PIKFYVE: variants seen among roughly 807,000 people sequenced by gnomAD.
PIKFYVE encodes 1-phosphatidylinositol 3-phosphate 5-kinase.
In PIKFYVE, 122 loss-of-function variants were observed where a neutral mutation model predicts 257.9. That is an observed-to-expected ratio of 0.47 (90% CI 0.41 to 0.55). PIKFYVE has a LOEUF of 0.55. Among genes scored for constraint, PIKFYVE ranks in the 20% least tolerant of loss-of-function variants. The pLI is 0.00. For synonymous variants in PIKFYVE, 892 were observed against 868.9 expected (o/e 1.03, Z -0.47); for missense variants, 2,160 against 2,536.6 (o/e 0.85, Z 3.19).
chr2:208,354,234 G>A, intron 40 of PIKFYVE, 75 bp downstream of exon 40: 1 of 1,492,948 alleles, frequency 6.7e-7, no homozygotes, highest in Non-Finnish European at 9.1e-7. Flanking sequence ...ATTGAACCTG[G>A]TCTAATAATA....
chr2:208,286,308 T>A (rs1351092762), intron 6 of PIKFYVE, among the ~76,000 whole-genome samples: 1 of 152,244 alleles, frequency 6.6e-6, no homozygotes, highest in Non-Finnish European at 1.5e-5. Context: ...TGTAGCCTTC[T>A]GTGAGAAGAA....
intron 35 of PIKFYVE, among the ~76,000 whole-genome samples, chr2:208,348,976 G>A (rs1372157557): frequency 6.6e-6 from 1 of 151,834 alleles, no homozygotes; most frequent in Non-Finnish European, 1.5e-5. Context: ...GAGCCTGGCC[G>A]ACATAGAGAA....
At chr2:208,323,783 C>T (rs1191140413) in intron 17 of PIKFYVE, among the ~76,000 whole-genome samples, 25 of 152,178 alleles carry the variant, frequency 1.6e-4, no homozygotes, top group Admixed American at 1.5e-3. Flanking sequence ...TGTTTCCTGA[C>T]TTTTTAATGA....
intron 17 of PIKFYVE, 22 bp downstream of exon 17, chr2:208,320,381 T>G: frequency 6.2e-7 from 1 of 1,608,908 alleles, no homozygotes; most frequent in South Asian, 1.1e-5. Flanking sequence ...CTACTGAAAA[T>G]AATAATTTAG....
chr2:208,298,505 T>C (rs559096815), intron 7 of PIKFYVE, 136 bp from the exon 8 acceptor site: 1 of 1,096,458 alleles, frequency 9.1e-7, no homozygotes, highest in East Asian at 2.6e-5. Flanking sequence ...ATATCATGCA[T>C]AACCATCATA....
At chr2:208,339,349 TA>T (rs1450094458) in intron 29 of PIKFYVE, 68 bp from the exon 30 acceptor site, 5 of 1,567,124 alleles carry the variant, frequency 3.2e-6, no homozygotes, top group Non-Finnish European at 4.4e-6. Flanking sequence ...AATGAGCATT[TA>T]AAAAATATTA....
intron 12 of PIKFYVE, among the ~76,000 whole-genome samples, chr2:208,309,974 C>G (rs1553515115): frequency 6.6e-6 from 1 of 152,174 alleles, no homozygotes; most frequent in Non-Finnish European, 1.5e-5. Flanking sequence ...AAATTGACCT[C>G]TTAGGTCATT....
intron 4 of PIKFYVE, 100 bp from the exon 5 acceptor site, chr2:208,277,437 A>C (rs1233375092): frequency 3.1e-6 from 4 of 1,292,186 alleles, no homozygotes; most frequent in Non-Finnish European, 4.4e-6. Context: ...TTTTTGAATT[A>C]GTTTGTTTTC....
intron 33 of PIKFYVE, 50 bp from the exon 34 acceptor site, chr2:208,346,000 G>C: frequency 1.5e-6 from 2 of 1,375,572 alleles, no homozygotes; most frequent in East Asian, 2.3e-5. Flanking sequence ...ACTATTTTCT[G>C]TTTGACTTGT....
In PIKFYVE at chr2:208,315,181, A is replaced by G. The variant is rs1381430866; in HGVS notation, c.1827-12A>G. ...TAACTATGCAAACTTCTTTCTTATAATATTTTTGTAGTTCAGCTAATCATA... is the reference window on the plus strand; with the variant it reads ...TAACTATGCAAACTTCTTTCTTATAGTATTTTTGTAGTTCAGCTAATCATA... On this transcript the variant is annotated splice_polypyrimidine_tract_variant and intron_variant, in intron 14 of 41. Transcript: ENST00000264380. 6.2e-7 allele frequency: 1 copy of G among 1,609,268 alleles called. No homozygotes were observed. Among genetic ancestry groups the G allele is most frequent in the Non-Finnish European group, 8.5e-7 (1 of 1,176,006 alleles).
chr2:208,267,212 A>G (rs980892033), intron 1 of PIKFYVE, among the ~76,000 whole-genome samples: 1 of 147,564 alleles, frequency 6.8e-6, no homozygotes, highest in African/African-American at 2.5e-5. Flanking sequence ...GTCGCTTGGT[A>G]TAATGTACTT....
At chr2:208,352,928 C>T in intron 39 of PIKFYVE, 146 bp downstream of exon 39, 5 of 1,015,478 alleles carry the variant, frequency 4.9e-6, no homozygotes, top group Non-Finnish European at 7.3e-6. Flanking sequence ...TTTTGACTTG[C>T]TCAGCCTTGG....
In PIKFYVE at chr2:208,300,988, G is replaced by C. The variant is rs1322952486; in HGVS notation, c.1102G>C (p.Gly368Arg). Reference protein sequence around the residue: ...LWKKICHHSSGMEFQDHRYWL... With the variant: ...LWKKICHHSSRMEFQDHRYWL... ...GAAAAAAATCTGCCATCACAGCAGT[G>C]GAATGGAGTTTCAGGATCACCGCTA... Residue 368 changes from glycine to arginine, a missense_variant, in exon 9 of 42, where the codon GGA becomes CGA. Coordinates refer to ENST00000264380, the MANE Select transcript of PIKFYVE (RefSeq NM_015040.4). The C allele has an allele frequency of 6.2e-7, 1 of 1,614,034 alleles. No homozygotes were observed. The highest frequency in any genetic ancestry group is 1.3e-5 in the African/African-American group (1 of 74,940).
intron 7 of PIKFYVE, among the ~76,000 whole-genome samples, chr2:208,298,238 A>G (rs114693230): frequency 1.5e-3 from 235 of 152,210 alleles, no homozygotes; most frequent in African/African-American, 5.5e-3. Flanking sequence ...TTCATTCTTT[A>G]TATTTGTTAT....
At chr2:208,269,422 T>G in intron 1 of PIKFYVE, 1 of 240,934 alleles carries the variant, frequency 4.2e-6, no homozygotes, top group Non-Finnish European at 8.7e-6. Flanking sequence ...CATCTCCTCC[T>G]CAGCCATCTT....
rs949812656 is a variant in PIKFYVE, at chr2:208,355,556, A to C, written c.*251A>C. On this transcript the variant is annotated 3_prime_UTR_variant, in exon 42 of 42. Coordinates refer to ENST00000264380, the MANE Select transcript of PIKFYVE (RefSeq NM_015040.4). Reference sequence around the variant, plus strand: ...AAAATTTTCTTAAGCTAAAATACAGACATGTTTCAAAGGGCTAAAGTTGGA... The same window carrying C: ...AAAATTTTCTTAAGCTAAAATACAGCCATGTTTCAAAGGGCTAAAGTTGGA... The C allele has an allele frequency of 4.1e-5, 17 of 417,370 alleles. No individual in the cohort carries two copies. Among genetic ancestry groups the C allele is most frequent in the African/African-American group, 2.4e-4 (12 of 49,482 alleles). The allele number at this position is 417,370 out of a possible 1,614,324, so 25.9% of individuals were successfully genotyped here.
chr2:208,287,753 A>G (rs1204088617), intron 6 of PIKFYVE, among the ~76,000 whole-genome samples: 1 of 151,500 alleles, frequency 6.6e-6, no homozygotes, highest in Non-Finnish European at 1.5e-5. Context: ...GGTGTGTGCC[A>G]CCATGCCCGG....
In PIKFYVE at chr2:208,314,443, A is replaced by C; in HGVS notation, c.1826+20A>C. The C allele has an allele frequency of 1.2e-6, 2 of 1,607,588 alleles. No homozygotes were observed. Among genetic ancestry groups the C allele is most frequent in the South Asian group, 2.2e-5 (2 of 90,504 alleles). ...GTTGCTGTAAGGCAATGAAATTTTT[A>C]ATTTTAATTTTTCACTTTTATTATC... On this transcript the variant is annotated intron_variant, in intron 14 of 41. Transcript: ENST00000264380.
rs138426798 is a variant in PIKFYVE, at chr2:208,283,380, G to A, written c.614-2346G>A. Among the ~76,000 whole-genome samples, 561 of 152,202 alleles carry A rather than the reference G, an allele frequency of 3.7e-3. 3 individuals carry two copies. The highest frequency in any genetic ancestry group is 0.012 in the African/African-American group (515 of 41,514). ...TTCCCATCACACCATATAGGCATGC[G>A]CTTAATAGGCTCTTGCTGATGAACT... is the stretch of plus-strand genomic sequence containing the variant. On this transcript the variant is annotated intron_variant, in intron 5 of 41. Transcript: ENST00000264380.
Sources: gnomAD v4.1 joint callset for allele counts (sites outside exome capture counted in the v4.1 genomes callset) on GRCh38, gnomAD v4.1.1 for gene constraint, MANE v1.5 for transcripts, NCBI Gene and HGNC (gene_info 2026-07-23, HGNC 2026-07-21) for gene names.